The following MYLK4 variants were observed in gnomAD, a reference collection of about 807,000 sequenced individuals.
MYLK4 encodes the protein myosin light chain kinase family member 4.
In MYLK4, 46 loss-of-function variants were observed where a neutral mutation model predicts 48.1. The ratio of observed to expected loss-of-function variants is 0.96; its 90% CI spans 0.75 to 1.22. The LOEUF is 1.22. Among genes scored for constraint, MYLK4 ranks in the 50% most tolerant of loss-of-function variants. MYLK4 has a pLI of 0.00. For synonymous variants in MYLK4, 170 were observed against 180.8 expected, an observed-to-expected ratio of 0.94 and a Z score of 0.48; for missense variants, 451 against 486.1, an observed-to-expected ratio of 0.93 and a Z score of 0.68.
At chr6:2,690,880 A>T (rs992755329) in intron 3 of MYLK4, among the ~76,000 whole-genome samples, 8 of 119,684 alleles carry the variant, frequency 6.7e-5, no homozygotes, top group African/African-American at 1.3e-4. Context: ...CCCAGGCTGG[A>T]GTGCAGTGGC....
At position 2,673,484 on chromosome 6, in the gene MYLK4, C is replaced by T. The variant is rs1376592667; in HGVS notation, c.1119+1563G>A. 6.6e-6 allele frequency among the ~76,000 whole-genome samples: 1 copy of T among 152,112 alleles called. No individual in the cohort carries two copies. The highest frequency in any genetic ancestry group is 2.4e-5 in the African/African-American group (1 of 41,416). The stretch of plus-strand genomic sequence containing the variant: ...GGTTTGTTGGTCAGTGAAAAAGTTC[C>T]ATTCCAAAACCTCAGGAAATGGAGA... On this transcript the variant is annotated intron_variant, in intron 11 of 12. Transcript: ENST00000274643. The surrounding 1 kb of genome is among the most constrained non-coding windows in gnomAD (Gnocchi z 4.2).
At chr6:2,757,751 A>T in the MYLK4 span, among the ~76,000 whole-genome samples, 1 of 152,252 alleles carries the variant, frequency 6.6e-6, no homozygotes, top group Non-Finnish European at 1.5e-5. Context: ...GAATGATAAT[A>T]CAGAGATCCA....
chr6:2,765,656 C>A, the MYLK4 span: 1 of 1,546,982 alleles, frequency 6.5e-7, no homozygotes, highest in Non-Finnish European at 8.7e-7. Flanking sequence ...CGACCCCTTC[C>A]TTTCGCAGCT....
rs929858283 is a variant in MYLK4, at chr6:2,685,841, C to T, written c.342-265G>A. Among the ~76,000 whole-genome samples the T allele has an allele frequency of 4.6e-5, 7 of 151,930 alleles. No homozygotes were observed. Among genetic ancestry groups the T allele is most frequent in the Admixed American group, 2.6e-4 (4 of 15,252 alleles). On this transcript the variant is annotated intron_variant, in intron 4 of 12. Transcript: ENST00000274643. The surrounding 1 kb of genome is among the most constrained non-coding windows in gnomAD (Gnocchi z 4.5). The stretch of plus-strand genomic sequence containing the variant: ...ATCCCAGCACTTTGGGAGGCCGAGG[C>T]GGGAGGATCACGAGGTCAGGACCAG...
At chr6:2,757,279 C>T in the MYLK4 span, among the ~76,000 whole-genome samples, 1 of 152,006 alleles carries the variant, frequency 6.6e-6, no homozygotes, top group African/African-American at 2.4e-5. Context: ...TACAAAAGGA[C>T]CATGGCAGCT....
the MYLK4 span, among the ~76,000 whole-genome samples, chr6:2,764,681 T>C: frequency 6.6e-6 from 1 of 152,148 alleles, no homozygotes; most frequent in South Asian, 2.1e-4. Context: ...CTCCCATCAT[T>C]TGGTTGCTAA....
chr6:2,697,046 G>A (rs1762087557), intron 2 of MYLK4, among the ~76,000 whole-genome samples: 1 of 152,224 alleles, frequency 6.6e-6, no homozygotes, highest in African/African-American at 2.4e-5. Context: ...GCAACAGAGA[G>A]AGACTCCGTC....
Position 2,729,424 on chromosome 6 carries a change from C to T in MYLK4, c.159+19712G>A, listed in dbSNP as rs187154525. 2.6e-3 allele frequency among the ~76,000 whole-genome samples: 390 copies of T among 152,326 alleles called. 4 individuals carry two copies. Among genetic ancestry groups the T allele is most frequent in the Non-Finnish European group, 4.0e-3 (275 of 68,030 alleles). On this transcript the variant is annotated intron_variant, in intron 2 of 12. Transcript: ENST00000274643. ...ACACAGAGATCGTGGCAAAGGAGCT[C>T]GCACCTCTCCAGATACGCAACAAAT...
At chr6:2,684,832 A>G (rs1293129661) in intron 6 of MYLK4, among the ~76,000 whole-genome samples, 2 of 152,180 alleles carry the variant, frequency 1.3e-5, no homozygotes, top group Non-Finnish European at 2.9e-5. Context: ...CCTGGGACCA[A>G]TCCCTCTCCG....
intron 2 of MYLK4, among the ~76,000 whole-genome samples, chr6:2,733,663 T>C (rs1195291725): frequency 6.6e-6 from 1 of 152,190 alleles, no homozygotes; most frequent in Non-Finnish European, 1.5e-5. Flanking sequence ...TCCCTAGCAA[T>C]GACACAATAT....
chr6:2,681,629 CT>C (rs1761306523), intron 7 of MYLK4, among the ~76,000 whole-genome samples: 1 of 152,148 alleles, frequency 6.6e-6, no homozygotes, highest in Admixed American at 6.5e-5. Flanking sequence ...ATAAAACAGA[CT>C]GTTTGTAAGT....
chr6:2,688,626 T>C (rs1761652369), intron 4 of MYLK4, among the ~76,000 whole-genome samples: 1 of 150,096 alleles, frequency 6.7e-6, no homozygotes, highest in Admixed American at 6.7e-5. Context: ...TTTTTCTTTC[T>C]TTTAGACATT....
At chr6:2,768,776 A>T in the MYLK4 span, 1 of 1,614,064 alleles carries the variant, frequency 6.2e-7, no homozygotes, top group South Asian at 1.1e-5. Context: ...GCCAAGACAA[A>T]TGATGTGCGA....
chr6:2,715,962 C>G (rs1391303154), intron 2 of MYLK4, among the ~76,000 whole-genome samples: 1 of 152,220 alleles, frequency 6.6e-6, no homozygotes, highest in East Asian at 1.9e-4. Context: ...CAGGCTACCA[C>G]GACTGTTGCC....
intron 2 of MYLK4, among the ~76,000 whole-genome samples, chr6:2,701,174 A>C (rs1367033847): frequency 6.6e-6 from 1 of 152,142 alleles, no homozygotes; most frequent in Non-Finnish European, 1.5e-5. Context: ...GTGTTTCTTC[A>C]TCACCCAATA....
At chr6:2,716,562 C>A (rs1448212799) in intron 2 of MYLK4, among the ~76,000 whole-genome samples, 3 of 152,194 alleles carry the variant, frequency 2.0e-5, no homozygotes, top group Non-Finnish European at 4.4e-5. Flanking sequence ...GGTATTCATT[C>A]ATTCATTCAA....
chr6:2,717,777 C>T (rs1027751446), intron 2 of MYLK4, among the ~76,000 whole-genome samples: 1 of 152,198 alleles, frequency 6.6e-6, no homozygotes, highest in Non-Finnish European at 1.5e-5. Context: ...CTTCTGACTC[C>T]ACATTCAGTG....
At chr6:2,745,547 G>A (rs554520769) in intron 2 of MYLK4, among the ~76,000 whole-genome samples, 11 of 152,300 alleles carry the variant, frequency 7.2e-5, no homozygotes, top group African/African-American at 2.6e-4. Flanking sequence ...ATTTTACACA[G>A]TAGGTAGAAT....
chr6:2,768,640 C>A, the MYLK4 span: 1 of 1,481,260 alleles, frequency 6.8e-7, no homozygotes, highest in Non-Finnish European at 9.1e-7. Flanking sequence ...GGGTGCTGGT[C>A]TCTCTGTGTC....
Sources: gnomAD v4.1 joint callset for allele counts (sites outside exome capture counted in the v4.1 genomes callset) on GRCh38, gnomAD v4.1.1 for gene constraint, Gnocchi (gnomAD v3.1) non-coding constraint, MANE v1.5 for transcripts, NCBI Gene and HGNC (gene_info 2026-07-23, HGNC 2026-07-21) for gene names.